The following KCNT2 variants were observed in gnomAD, a reference collection of about 807,000 sequenced individuals.
KCNT2 encodes the protein potassium sodium-activated channel subfamily T member 2.
Under a neutral mutation model 153.8 loss-of-function variants are expected in KCNT2, and 67 were observed. The observed-to-expected ratio is 0.44, with a 90% CI of 0.36 to 0.53. KCNT2 has a LOEUF of 0.53. Among genes scored for constraint, KCNT2 ranks in the 20% least tolerant of loss-of-function variants. The pLI, the probability that KCNT2 is intolerant of heterozygous loss-of-function variation, is 0.00. For synonymous variants in KCNT2, 500 were observed against 458.8 expected (o/e 1.09, Z -1.15); for missense variants, 975 against 1,354.8 (o/e 0.72, Z 4.40).
chr1:196,260,658 C>G (rs1030194885), intron 25 of KCNT2, among the ~76,000 whole-genome samples: 1 of 151,868 alleles, frequency 6.6e-6, no homozygotes, highest in African/African-American at 2.4e-5. Context: ...CAAAACACAT[C>G]AATTGCTCTT....
intron 1 of KCNT2, among the ~76,000 whole-genome samples, chr1:196,545,046 A>T (rs6704166): frequency 0.23 from 34,398 of 151,996 alleles, 4,926 homozygotes; most frequent in Non-Finnish European, 0.31. Flanking sequence ...AATATTTTTT[A>T]AAAATCCTAG....
In KCNT2 at chr1:196,400,193, T is replaced by C. The variant is rs183118158; in HGVS notation, c.1186-1522A>G. On this transcript the variant is annotated intron_variant, in intron 12 of 27. Coordinates refer to ENST00000294725, the MANE Select transcript of KCNT2 (RefSeq NM_198503.5). ...AATCAATTTTACATGCTTTTAAATC[T>C]GAGGTTTGAGGGTTATAGATAACTT... Among the ~76,000 whole-genome samples the C allele has an allele frequency of 4.7e-3, 716 of 151,834 alleles. 4 individuals are homozygous for C. The highest frequency in any genetic ancestry group is 0.016 in the African/African-American group (651 of 41,498).
chr1:196,335,498 A>G (rs1226959016), intron 16 of KCNT2, among the ~76,000 whole-genome samples: 4 of 152,232 alleles, frequency 2.6e-5, no homozygotes, highest in South Asian at 2.1e-4. Context: ...TTCTAACACA[A>G]TGGTAATCTC....
At chr1:196,280,708 A>G in intron 25 of KCNT2, 152 bp downstream of exon 25, 1 of 693,672 alleles carries the variant, frequency 1.4e-6, no homozygotes, top group South Asian at 1.9e-5. Context: ...AATAGTTGAA[A>G]AAAAATTTGG....
Position 196,586,959 on chromosome 1 carries a change from T to G in KCNT2, c.95+21256A>C, listed in dbSNP as rs1312450282. Among the ~76,000 whole-genome samples, 4 of 152,078 alleles carry G rather than the reference T, an allele frequency of 2.6e-5. No individual in the cohort carries two copies. The East Asian group carries it at 7.7e-4, about 29-fold the overall frequency. ...TGAAGCTTGACTCTCTAAAACTCAA[T>G]TAGCATAATATCATTCAAATGGACT... On this transcript the variant is annotated intron_variant, in intron 1 of 27. Transcript: ENST00000294725.
chr1:196,389,275 C>T (rs748649044), intron 13 of KCNT2, among the ~76,000 whole-genome samples: 4 of 151,750 alleles, frequency 2.6e-5, no homozygotes, highest in South Asian at 2.1e-4. Flanking sequence ...GTTCATAAAA[C>T]GTATCAGTTT....
At chr1:196,348,026 G>A (rs868224870) in intron 14 of KCNT2, among the ~76,000 whole-genome samples, 29 of 152,160 alleles carry the variant, frequency 1.9e-4, no homozygotes, top group African/African-American at 6.0e-4. Context: ...CATCGGTTCC[G>A]ACACAGAGGA....
chr1:196,582,476 A>G (rs944784205), intron 1 of KCNT2: 2 of 154,426 alleles, frequency 1.3e-5, no homozygotes, highest in African/African-American at 4.8e-5. Context: ...CAAATTAGGC[A>G]CTGCAATTTT....
At chr1:196,251,174 T>G (rs893202089) in intron 26 of KCNT2, among the ~76,000 whole-genome samples, 1 of 152,106 alleles carries the variant, frequency 6.6e-6, no homozygotes, top group Non-Finnish European at 1.5e-5. Context: ...TGCAGCTGTA[T>G]TCACAATAGC....
chr1:196,592,113 C>T (rs1663428616), intron 1 of KCNT2, among the ~76,000 whole-genome samples: 1 of 151,870 alleles, frequency 6.6e-6, no homozygotes, highest in African/African-American at 2.4e-5. Flanking sequence ...TGGAAGCAAC[C>T]CATTTCCATC....
intron 9 of KCNT2, among the ~76,000 whole-genome samples, chr1:196,429,370 G>A (rs1673937693): frequency 6.6e-6 from 1 of 151,874 alleles, no homozygotes; most frequent in Non-Finnish European, 1.5e-5. Flanking sequence ...AGTCATGACT[G>A]GAAGGAAAAA....
chr1:196,425,682 T>C (rs2148528968), intron 11 of KCNT2, among the ~76,000 whole-genome samples, 170 bp downstream of exon 11: 1 of 152,088 alleles, frequency 6.6e-6, no homozygotes, highest in Non-Finnish European at 1.5e-5. Context: ...GATTTTATGA[T>C]ATATTTTTGA....
intron 14 of KCNT2, among the ~76,000 whole-genome samples, chr1:196,371,429 G>T (rs1017063509): frequency 2.6e-5 from 4 of 151,776 alleles, no homozygotes; most frequent in Non-Finnish European, 5.9e-5. Context: ...AATGGTGATG[G>T]TTGGATAATT....
intron 1 of KCNT2, among the ~76,000 whole-genome samples, chr1:196,578,852 A>T (rs1661686722): frequency 6.6e-6 from 1 of 152,170 alleles, no homozygotes; most frequent in Non-Finnish European, 1.5e-5. Flanking sequence ...TATTAGAGTG[A>T]AATGAAATAG....
At chr1:196,378,864 C>T (rs1371827987) in intron 13 of KCNT2, among the ~76,000 whole-genome samples, 1 of 148,270 alleles carries the variant, frequency 6.7e-6, no homozygotes, top group East Asian at 2.0e-4. Context: ...ACTTGGGTGC[C>T]TAAAGACTAG....
chr1:196,569,941 G>A (rs1034801101), intron 1 of KCNT2, among the ~76,000 whole-genome samples: 2 of 152,054 alleles, frequency 1.3e-5, no homozygotes, highest in African/African-American at 4.8e-5. Context: ...GAAGAAAGGT[G>A]TAGAGATTGG....
At chr1:196,514,199 A>G (rs1331154471) in intron 1 of KCNT2, among the ~76,000 whole-genome samples, 2 of 152,224 alleles carry the variant, frequency 1.3e-5, no homozygotes, top group Admixed American at 1.3e-4. Flanking sequence ...CCAGATACAC[A>G]TATTAAGTAC....
chr1:196,550,506 C>T (rs1042843574), intron 1 of KCNT2, among the ~76,000 whole-genome samples: 1 of 151,772 alleles, frequency 6.6e-6, no homozygotes, highest in African/African-American at 2.4e-5. Context: ...AAATGATTAT[C>T]ACAATCAAGA....
At chr1:196,565,276 C>CA (rs1262365528) in intron 1 of KCNT2, among the ~76,000 whole-genome samples, 5 of 151,332 alleles carry the variant, frequency 3.3e-5, no homozygotes, top group Non-Finnish European at 7.4e-5. Flanking sequence ...TGGTTATTAG[C>CA]AAAAAGACAA....
Sources: gnomAD v4.1 joint callset for allele counts (sites outside exome capture counted in the v4.1 genomes callset) on GRCh38, gnomAD v4.1.1 for gene constraint, MANE v1.5 for transcripts, NCBI Gene and HGNC (gene_info 2026-07-23, HGNC 2026-07-21) for gene names.